The following ECHDC2 variants were observed in gnomAD, a reference collection of about 807,000 sequenced individuals.
ECHDC2 encodes the protein enoyl-CoA hydratase domain-containing protein 2, mitochondrial.
Under a neutral mutation model 40.6 loss-of-function variants are expected in ECHDC2, and 34 were observed. The observed-to-expected ratio is 0.84, with a 90% CI of 0.64 to 1.11. The LOEUF (loss-of-function observed/expected upper bound fraction) is 1.11. Among genes scored for constraint, ECHDC2 ranks in the 50% most tolerant of loss-of-function variants. The pLI, the probability that ECHDC2 is intolerant of heterozygous loss-of-function variation, is 0.00. For synonymous variants in ECHDC2, 162 were observed against 166.6 expected, an observed-to-expected ratio of 0.97 and a Z score of 0.21; for missense variants, 392 against 400.7, an observed-to-expected ratio of 0.98 and a Z score of 0.19.
At chr1:52,905,368 C>G (rs895174639) in intron 5 of ECHDC2, 1 of 520,128 alleles carries the variant, frequency 1.9e-6, no homozygotes. Context: ...GATGGCTGGC[C>G]CTCTTCTGTC....
At chr1:52,911,170 G>T (rs550987709) in intron 3 of ECHDC2, among the ~76,000 whole-genome samples, 1 of 152,002 alleles carries the variant, frequency 6.6e-6, no homozygotes, top group Non-Finnish European at 1.5e-5. Context: ...TAGAGAAGGG[G>T]TTTCACCATG....
intron 5 of ECHDC2, chr1:52,905,422 G>C (rs1185908274): frequency 2.8e-6 from 1 of 359,510 alleles, no homozygotes; most frequent in African/African-American, 2.0e-5. Context: ...ACGACGCTTG[G>C]AACAAGGAGA....
chr1:52,918,771 T>C (rs1651283118), intron 1 of ECHDC2, among the ~76,000 whole-genome samples: 1 of 152,174 alleles, frequency 6.6e-6, no homozygotes, highest in African/African-American at 2.4e-5. Context: ...GAAACATTTG[T>C]AAAGCAAATT....
rs886927735 is a variant in ECHDC2, at chr1:52,914,892, T to C, written c.122-3102A>G. ...CACCTGGCCCTCGAGTCCTCAGTCT[T>C]GCTCCCTCCCAGCACACACACATTC... On this transcript the variant is annotated intron_variant, in intron 1 of 9. Coordinates refer to ENST00000371522, the MANE Select transcript of ECHDC2 (RefSeq NM_001198961.2). The surrounding 1 kb of genome is among the most constrained non-coding windows in gnomAD (Gnocchi z 4.0). 2.6e-5 allele frequency among the ~76,000 whole-genome samples: 4 copies of C among 152,130 alleles called. No individual in the cohort carries two copies. Among genetic ancestry groups the C allele is most frequent in the African/African-American group, 9.7e-5 (4 of 41,416 alleles).
intron 5 of ECHDC2, chr1:52,906,029 C>G (rs1647708132): frequency 5.9e-5 from 17 of 285,758 alleles, no homozygotes; most frequent in South Asian, 5.4e-4. Context: ...AGAAAATGAT[C>G]AGTTATCTTC....
chr1:52,911,654 C>T lies in ECHDC2; in HGVS notation c.190-1G>A, dbSNP rs1557507079. 3 of 1,614,100 alleles carry T rather than the reference C, an allele frequency of 1.9e-6. No homozygotes were observed. Among genetic ancestry groups the T allele is most frequent in the African/African-American group, 2.7e-5 (2 of 74,930 alleles). ...GCAGCTGGGCCAGAGTTTCCAGCAG[C>T]TACAGAGGACACCCAGTTAGATAGT... On this transcript the variant is annotated splice_acceptor_variant, in intron 2 of 9. Transcript: ENST00000371522. LOFTEE classifies it high-confidence loss of function.
chr1:52,921,762 GCCT>G (rs934480064), upstream of ECHDC2: 218 of 1,420,144 alleles, frequency 1.5e-4, no homozygotes, highest in African/African-American at 2.8e-3. Flanking sequence ...GTCGGGCGAA[GCCT>G]TCGCCAATTG....
At chr1:52,913,991 C>A in intron 1 of ECHDC2, 2 of 1,205,196 alleles carry the variant, frequency 1.7e-6, no homozygotes, top group Non-Finnish European at 2.1e-6. Flanking sequence ...TCTCTTCATT[C>A]ACTCATTTGT....
At chr1:52,909,473 G>A (rs1021778599) in intron 3 of ECHDC2, among the ~76,000 whole-genome samples, 7 of 149,484 alleles carry the variant, frequency 4.7e-5, no homozygotes, top group South Asian at 4.2e-4. Context: ...TGGAAGAATC[G>A]TCTTGGGCTA....
At chr1:52,899,884 C>T (rs1211523741) in intron 7 of ECHDC2, 1 of 151,988 alleles carries the variant, frequency 6.6e-6, no homozygotes, top group African/African-American at 2.4e-5. Flanking sequence ...GCCTTGGTTC[C>T]ACACCAGCCC....
At chr1:52,906,013 C>T (rs1053518047) in intron 5 of ECHDC2, 2 of 279,386 alleles carry the variant, frequency 7.2e-6, no homozygotes, top group Admixed American at 4.9e-5. Flanking sequence ...CCAGGTCAGT[C>T]ACCTGAGAAA....
intron 5 of ECHDC2, 124 bp downstream of exon 5, chr1:52,906,394 GC>G: frequency 2.4e-6 from 2 of 827,376 alleles, no homozygotes; most frequent in Non-Finnish European, 4.1e-6. Context: ...GCTCTGCCTT[GC>G]CTTAGTTTTG....
chr1:52,912,361 T>C (rs1649750233), intron 1 of ECHDC2: 1 of 152,974 alleles, frequency 6.5e-6, no homozygotes, highest in African/African-American at 2.4e-5. Flanking sequence ...GCATGCGCCA[T>C]TACACCTGGC....
chr1:52,921,755 G>T, upstream of ECHDC2: 1 of 1,421,058 alleles, frequency 7.0e-7, no homozygotes, highest in South Asian at 1.5e-5. Context: ...TTCCGGCGTC[G>T]GGCGAAGCCT....
At chr1:52,919,032 T>C (rs1651340094) in intron 1 of ECHDC2, among the ~76,000 whole-genome samples, 1 of 152,328 alleles carries the variant, frequency 6.6e-6, no homozygotes, top group Admixed American at 6.5e-5. Flanking sequence ...GCGAACCCTA[T>C]TGTGAACTGT....
intron 1 of ECHDC2, 52 bp downstream of exon 1, chr1:52,921,501 C>T (rs1375565099): frequency 1.3e-6 from 2 of 1,568,960 alleles, no homozygotes. Context: ...CCCCCGCTGC[C>T]TCCGGCCTAG....
intron 7 of ECHDC2, among the ~76,000 whole-genome samples, chr1:52,904,133 G>A (rs1557486360): frequency 6.6e-6 from 1 of 152,130 alleles, no homozygotes; most frequent in Non-Finnish European, 1.5e-5. Context: ...TGTATTTCAA[G>A]AATATCCCAC....
intron 8 of ECHDC2, chr1:52,898,663 T>G (rs1319547081): frequency 5.8e-6 from 1 of 173,642 alleles, no homozygotes; most frequent in African/African-American, 2.4e-5. Flanking sequence ...CATGTTTAAC[T>G]CATCCATCTG....
chr1:52,896,685 GCC>G, intron 9 of ECHDC2, 88 bp from the exon 10 acceptor site: 3 of 1,085,796 alleles, frequency 2.8e-6, no homozygotes, highest in Non-Finnish European at 4.2e-6. Flanking sequence ...CCAAGACAAG[GCC>G]AGGGTCCAAG....
Sources: gnomAD v4.1 joint callset for allele counts (sites outside exome capture counted in the v4.1 genomes callset) on GRCh38, gnomAD v4.1.1 for gene constraint, Gnocchi (gnomAD v3.1) non-coding constraint, MANE v1.5 for transcripts, NCBI Gene and HGNC (gene_info 2026-07-23, HGNC 2026-07-21) for gene names.